Variants in TENM2 observed in about 807,000 individuals in gnomAD.
The protein encoded by TENM2 is teneurin transmembrane protein 2.
A neutral mutation model predicts 245.2 loss-of-function variants in TENM2; 52 were observed. The observed-to-expected ratio is 0.21, with a 90% confidence interval of 0.17 to 0.27. The LOEUF (loss-of-function observed/expected upper bound fraction) is 0.27, where lower values mean the gene tolerates loss of function less well. Ranked by LOEUF, TENM2 falls within the 10% of genes least tolerant of loss-of-function variation. The probability of loss-of-function intolerance (pLI) is 1.00; values close to 1 mark genes in which losing one functional copy is unlikely to be tolerated. For missense variants in TENM2, 3,046 were observed against 3,666.8 expected, an observed-to-expected ratio of 0.83 and a Z score of 4.37; for synonymous variants, 1,363 against 1,438.9, an observed-to-expected ratio of 0.95 and a Z score of 1.19.
intron 2 of TENM2, among the ~76,000 whole-genome samples, chr5:167,445,369 A>AGAGAGAGAGAGAGTGAGAGT (rs35699708): frequency 3.0e-5 from 3 of 98,578 alleles, no homozygotes; most frequent in Admixed American, 1.2e-4. Context: ...AGAGAGAGAG[A>AGAGAGAGAGAGAGTGAGAGT]GTGTCAGGTG....
intron 1 of TENM2, among the ~76,000 whole-genome samples, chr5:167,311,342 G>A (rs1381151898): frequency 1.3e-5 from 2 of 152,114 alleles, no homozygotes; most frequent in Non-Finnish European, 2.9e-5. Context: ...CTGCTGAATA[G>A]CAATTGTTTT....
At position 167,961,528 on chromosome 5, in the gene TENM2, G is replaced by T. The variant is rs536506689; in HGVS notation, c.947+8706G>T. ...ACTAGATGAAGAAGAAGAAAGGAAG[G>T]AAAGAAAGGGAAGAGGAGATGTAAT... is the stretch of plus-strand genomic sequence containing the variant. On this transcript the variant is annotated intron_variant, in intron 4 of 28. Coordinates refer to ENST00000518659, the Ensembl canonical transcript of TENM2. Among the ~76,000 whole-genome samples the T allele has an allele frequency of 2.6e-5, 4 of 152,282 alleles. No individual in the cohort carries two copies. In the East Asian group the frequency reaches 7.7e-4, roughly 29 times the overall value.
At chr5:167,462,411 G>T (rs888126045) in intron 2 of TENM2, among the ~76,000 whole-genome samples, 5 of 152,114 alleles carry the variant, frequency 3.3e-5, no homozygotes, top group African/African-American at 1.2e-4. Context: ...TTCACAGACG[G>T]TTTAAGTGTT....
intron 4 of TENM2, among the ~76,000 whole-genome samples, chr5:167,959,996 C>A (rs981040738): frequency 6.6e-6 from 1 of 152,192 alleles, no homozygotes; most frequent in South Asian, 2.1e-4. Context: ...CCACTCCACA[C>A]CCTATTTGCC....
chr5:168,251,713 T>G (rs1245371687), intron 27 of TENM2, among the ~76,000 whole-genome samples: 1 of 152,202 alleles, frequency 6.6e-6, no homozygotes, highest in Non-Finnish European at 1.5e-5. Context: ...GTAATTAAGA[T>G]GTAGTCGGGA....
rs116592319 is a variant in TENM2, at chr5:167,480,670, C to G, written c.502+105197C>G. Among the ~76,000 whole-genome samples, 884 of 152,236 alleles carry G rather than the reference C, an allele frequency of 5.8e-3. 13 individuals are homozygous for G. Among genetic ancestry groups the G allele is most frequent in the African/African-American group, 0.02 (844 of 41,546 alleles). ...CTTTGCACCAAGGATATGGTCAAAG[C>G]AGGTCGTTCATTTATTTTAAAACAC... On this transcript the variant is annotated intron_variant, in intron 2 of 28. Transcript: ENST00000518659.
the TENM2 span, among the ~76,000 whole-genome samples, chr5:167,242,919 A>G: frequency 6.6e-6 from 1 of 152,120 alleles, no homozygotes; most frequent in Non-Finnish European, 1.5e-5. Context: ...TATAAATCAC[A>G]GAATAGGAGG....
intron 3 of TENM2, among the ~76,000 whole-genome samples, chr5:167,949,109 C>T (rs1779872057): frequency 1.3e-5 from 2 of 152,048 alleles, no homozygotes; most frequent in African/African-American, 2.4e-5. Context: ...ACCAAGGCAC[C>T]CGAGTGAAAC....
At chr5:167,257,055 G>A in the TENM2 span, among the ~76,000 whole-genome samples, 1 of 151,996 alleles carries the variant, frequency 6.6e-6, no homozygotes, top group East Asian at 1.9e-4. Context: ...AGTTAAAATT[G>A]TGCTTCTTTC....
intron 2 of TENM2, among the ~76,000 whole-genome samples, chr5:167,464,181 A>G (rs1317500248): frequency 6.6e-6 from 1 of 152,222 alleles, no homozygotes; most frequent in Non-Finnish European, 1.5e-5. Context: ...GCTGCCTATC[A>G]GGAATGAGTT....
At chr5:167,991,324 T>A (rs1783649505) in intron 4 of TENM2, among the ~76,000 whole-genome samples, 1 of 152,178 alleles carries the variant, frequency 6.6e-6, no homozygotes, top group South Asian at 2.1e-4. Flanking sequence ...AAAATCCCCC[T>A]CTGCATGTTG....
intron 2 of TENM2, among the ~76,000 whole-genome samples, chr5:167,779,174 C>T (rs908065572): frequency 1.3e-5 from 2 of 152,188 alleles, no homozygotes; most frequent in Non-Finnish European, 2.9e-5. Flanking sequence ...GCTCTGCCTC[C>T]TTCCTGGAGG....
chr5:167,744,668 A>C (rs1252105383), intron 2 of TENM2, among the ~76,000 whole-genome samples: 1 of 152,112 alleles, frequency 6.6e-6, no homozygotes, highest in Non-Finnish European at 1.5e-5. Context: ...TGGCCGCCCC[A>C]GGTGCTCATT....
the TENM2 span, among the ~76,000 whole-genome samples, chr5:167,071,085 A>G: frequency 6.6e-6 from 1 of 152,134 alleles, no homozygotes; most frequent in Non-Finnish European, 1.5e-5. Flanking sequence ...AGTCGGCGGG[A>G]AGGCACGCAA....
intron 2 of TENM2, among the ~76,000 whole-genome samples, chr5:167,377,785 A>G (rs1172567956): frequency 6.6e-6 from 1 of 152,130 alleles, no homozygotes; most frequent in Non-Finnish European, 1.5e-5. Context: ...GTATTATCAT[A>G]TAGATTGACA....
Position 168,066,900 on chromosome 5 carries a change from G to A in TENM2, c.1515+4635G>A, listed in dbSNP as rs185408208. Among the ~76,000 whole-genome samples, 3 of 152,326 alleles carry A rather than the reference G, an allele frequency of 2.0e-5. No homozygotes were observed. In the East Asian group the frequency reaches 5.8e-4, roughly 29 times the overall value. On this transcript the variant is annotated intron_variant, in intron 7 of 28. Coordinates refer to ENST00000518659, the Ensembl canonical transcript of TENM2. ...CCTGGCTACAGTGCTAGGTGTCAAA[G>A]GAAATCTCAGAGGCAGTTGCAGCAA...
the TENM2 span, among the ~76,000 whole-genome samples, chr5:167,080,618 A>G: frequency 6.6e-6 from 1 of 152,156 alleles, no homozygotes; most frequent in Non-Finnish European, 1.5e-5. Flanking sequence ...ATGCTAAAAT[A>G]AATAAACAAA....
intron 2 of TENM2, among the ~76,000 whole-genome samples, chr5:167,407,090 A>T (rs1356213197): frequency 6.6e-6 from 1 of 152,182 alleles, no homozygotes; most frequent in East Asian, 1.9e-4. Flanking sequence ...TTAATTCTAC[A>T]TGCAGTTGAA....
chr5:168,118,273 C>G lies in TENM2; in HGVS notation c.1814-19C>G, dbSNP rs191367561. 355 of 1,502,708 alleles carry G rather than the reference C, an allele frequency of 2.4e-4. 3 individuals are homozygous for G. The African/African-American group carries it at 4.2e-3, about 18-fold the overall frequency. The allele number at this position is 1,502,708 out of a possible 1,614,324, so 93.1% of individuals were successfully genotyped here. Reference sequence around the variant, plus strand: ...TGCTGGCCCTTCGTGACCTAGTGCTCTGTCTTTGGTTTGTGCAGCTGCCTG... The same window carrying G: ...TGCTGGCCCTTCGTGACCTAGTGCTGTGTCTTTGGTTTGTGCAGCTGCCTG... On this transcript the variant is annotated intron_variant, in intron 9 of 28. Transcript: ENST00000518659.
Sources: gnomAD v4.1 joint callset for allele counts (sites outside exome capture counted in the v4.1 genomes callset) on GRCh38, gnomAD v4.1.1 for gene constraint, MANE v1.5 for transcripts, NCBI Gene and HGNC (gene_info 2026-07-23, HGNC 2026-07-21) for gene names.